CCDC7: variants seen among roughly 807,000 people sequenced by gnomAD.
CCDC7 encodes the protein coiled-coil domain containing 7, also known as coiled-coil domain-containing protein 7.
Under a neutral mutation model 196.9 loss-of-function variants are expected in CCDC7, and 183 were observed. The ratio of observed to expected loss-of-function variants is 0.93; its 90% CI spans 0.82 to 1.05. The LOEUF is 1.05. CCDC7 is among the 50% of genes least tolerant of loss of function. CCDC7 has a pLI of 0.00. For synonymous variants in CCDC7, 525 were observed against 484.6 expected (o/e 1.08, Z -1.10); for missense variants, 1,540 against 1,482.2 (o/e 1.04, Z -0.64).
intron 21 of CCDC7, among the ~76,000 whole-genome samples, chr10:32,673,654 C>CGTGTGTGTGTGTGTGT (rs71027102): frequency 0.027 from 3,934 of 147,874 alleles, 227 homozygotes; most frequent in African/African-American, 0.095. Flanking sequence ...CCATTGTGCA[C>CGTGTGTGTGTGTGTGT]GTGTGTGTGT....
downstream of CCDC7, among the ~76,000 whole-genome samples, chr10:32,881,612 G>T (rs1346682347): frequency 6.6e-6 from 1 of 152,024 alleles, no homozygotes; most frequent in East Asian, 1.9e-4. Context: ...CTCAGAAAAG[G>T]CCTTTTGATT....
rs1490012348 is a variant in CCDC7 at position 32,633,219 on chromosome 10, A to G, written c.1802-1035A>G. Among the ~76,000 whole-genome samples, 29 of 85,294 alleles carry G rather than the reference A, an allele frequency of 3.4e-4. 1 individual carries two copies. The South Asian group carries it at 0.01, about 30-fold the overall frequency. The allele number at this position is 85,294 out of a possible 152,430, so 56.0% of individuals were successfully genotyped here. A position where few individuals can be genotyped will look rare whatever the true frequency, so the allele number is the denominator to read the frequency against. On this transcript the variant is annotated intron_variant, in intron 18 of 41. Coordinates refer to ENST00000639629, the Ensembl canonical transcript of CCDC7. ...TCAGTTTGCGCGCGTGCACGCACAC[A>G]CACACACACACACACACATTCATAC... is the stretch of plus-strand genomic sequence containing the variant.
chr10:32,456,355 G>C (rs1209625105), intron 3 of CCDC7, 21 bp downstream of exon 4: 2 of 1,454,334 alleles, frequency 1.4e-6, no homozygotes, highest in Non-Finnish European at 9.2e-7. Flanking sequence ...TGTATATACT[G>C]TCAAGTATAA....
chr10:32,800,599 G>A (rs1369751972), intron 29 of CCDC7, among the ~76,000 whole-genome samples: 1 of 152,204 alleles, frequency 6.6e-6, no homozygotes, highest in Non-Finnish European at 1.5e-5. Flanking sequence ...TGAAAGGTCT[G>A]ATTATTTCCC....
intron 41 of CCDC7, among the ~76,000 whole-genome samples, chr10:32,873,927 G>C (rs1270077891): frequency 1.3e-5 from 2 of 151,354 alleles, no homozygotes; most frequent in South Asian, 2.1e-4. Context: ...CATTGTAGCA[G>C]GTATGAATTA....
At chr10:32,680,737 T>G (rs2141018729) in intron 21 of CCDC7, among the ~76,000 whole-genome samples, 1 of 152,328 alleles carries the variant, frequency 6.6e-6, no homozygotes, top group Non-Finnish European at 1.5e-5. Context: ...CACAGTCATC[T>G]TGACACCACT....
intron 11 of CCDC7, among the ~76,000 whole-genome samples, chr10:32,539,656 T>A (rs531252323): frequency 6.6e-6 from 1 of 152,310 alleles, no homozygotes; most frequent in South Asian, 2.1e-4. Context: ...TTTAGTGTTA[T>A]AAACTTCCCT....
At chr10:32,830,146 T>TATATATATATATATATATATATATATATA (rs2092004376) in intron 32 of CCDC7, among the ~76,000 whole-genome samples, 1 of 25,822 alleles carries the variant, frequency 3.9e-5, no homozygotes, top group Admixed American at 4.2e-4. Flanking sequence ...ATATATCCTA[T>TATATATATATATATATATATATATATATA]TAGTTCTTTC....
At chr10:32,813,574 T>C (rs1490956796) in intron 30 of CCDC7, among the ~76,000 whole-genome samples, 1 of 152,216 alleles carries the variant, frequency 6.6e-6, no homozygotes, top group Non-Finnish European at 1.5e-5. Flanking sequence ...ATGAGAAGTT[T>C]CTGTGACTAA....
intron 16 of CCDC7, among the ~76,000 whole-genome samples, chr10:32,580,387 G>T (rs1352411947): frequency 1.3e-5 from 2 of 151,874 alleles, no homozygotes; most frequent in Admixed American, 6.6e-5. Context: ...GACTTTTACT[G>T]AACCTTTAAA....
intron 28 of CCDC7, among the ~76,000 whole-genome samples, chr10:32,778,096 T>C (rs2080407178): frequency 6.6e-6 from 1 of 152,260 alleles, no homozygotes; most frequent in Non-Finnish European, 1.5e-5. Context: ...CTTTGTTAGA[T>C]GCATAGTTCA....
intron 30 of CCDC7, among the ~76,000 whole-genome samples, chr10:32,811,340 C>A (rs1028229694): frequency 2.6e-4 from 39 of 151,960 alleles, no homozygotes; most frequent in Admixed American, 8.5e-4. Flanking sequence ...CACAGAATTA[C>A]AAAAGATCAT....
At chr10:32,483,432 C>A (rs1161996819) in intron 8 of CCDC7, among the ~76,000 whole-genome samples, 1 of 152,038 alleles carries the variant, frequency 6.6e-6, no homozygotes, top group Non-Finnish European at 1.5e-5. Context: ...AAATTTTCTC[C>A]CATTCTGTAG....
chr10:32,743,251 G>T (rs1592254390), intron 28 of CCDC7, among the ~76,000 whole-genome samples: 1 of 152,092 alleles, frequency 6.6e-6, no homozygotes, highest in Non-Finnish European at 1.5e-5. Flanking sequence ...TGATGGGGTT[G>T]TTTGTTTTTT....
At chr10:32,575,875 G>T (rs1312748250) in intron 16 of CCDC7, among the ~76,000 whole-genome samples, 1 of 152,116 alleles carries the variant, frequency 6.6e-6, no homozygotes, top group Admixed American at 6.5e-5. Context: ...CCTTAGTATT[G>T]TCTGGGAGAA....
chr10:32,505,547 C>A (rs1249671419), intron 9 of CCDC7, among the ~76,000 whole-genome samples: 1 of 152,148 alleles, frequency 6.6e-6, no homozygotes, highest in East Asian at 1.9e-4. Flanking sequence ...TTTCTTAGTA[C>A]AGAACAAAAA....
intron 3 of CCDC7, among the ~76,000 whole-genome samples, chr10:32,459,501 A>G (rs2035123782): frequency 6.6e-6 from 1 of 152,124 alleles, no homozygotes. Context: ...GTGGGGCAAG[A>G]CCGAGTTAAA....
At chr10:32,778,544 T>C (rs2080494033) in intron 28 of CCDC7, among the ~76,000 whole-genome samples, 1 of 152,226 alleles carries the variant, frequency 6.6e-6, no homozygotes, top group Non-Finnish European at 1.5e-5. Flanking sequence ...TCTATGTGTC[T>C]GTTTTTGTAC....
intron 11 of CCDC7, 67 bp from the exon 13 acceptor site, chr10:32,543,233 T>C (rs1447001626): frequency 2.4e-6 from 3 of 1,244,916 alleles, no homozygotes. Flanking sequence ...TAATGTATAT[T>C]ATCATATCTT....
Sources: allele counts gnomAD v4.1 joint callset (sites outside exome capture counted in the v4.1 genomes callset), GRCh38; gene constraint gnomAD v4.1.1; transcripts MANE v1.5; gene names NCBI Gene and HGNC (gene_info 2026-07-23, HGNC 2026-07-21).